The following CUX1 variants were observed in gnomAD, a reference collection of about 807,000 sequenced individuals.
CUX1 encodes protein CASP.
CUX1 carries 31 observed loss-of-function variants against 158.8 expected under a neutral mutation model. That is an observed-to-expected ratio of 0.20 (90% CI 0.15 to 0.26). CUX1 has a LOEUF of 0.26. Among genes scored for constraint, CUX1 ranks in the 10% least tolerant of loss-of-function variants. The pLI, the probability that CUX1 is intolerant of heterozygous loss-of-function variation, is 1.00. For missense variants in CUX1, 1,589 were observed against 2,014.6 expected (o/e 0.79, Z 4.04); for synonymous variants, 879 against 862.1 (o/e 1.02, Z -0.34).
At chr7:101,955,717 T>G (rs923946483) in intron 2 of CUX1, among the ~76,000 whole-genome samples, 1 of 152,098 alleles carries the variant, frequency 6.6e-6, no homozygotes, top group Admixed American at 6.6e-5. Flanking sequence ...ACACTGACCC[T>G]CTCCACTAAC....
intron 2 of CUX1, among the ~76,000 whole-genome samples, chr7:101,945,750 C>T (rs567288791): frequency 3.2e-4 from 49 of 152,256 alleles, no homozygotes; most frequent in African/African-American, 1.1e-3. Flanking sequence ...GGTTCTAGTC[C>T]GCTAGGTTCA....
intron 8 of CUX1, among the ~76,000 whole-genome samples, chr7:102,156,220 CT>C (rs1554505259): frequency 6.6e-6 from 1 of 152,146 alleles, no homozygotes; most frequent in East Asian, 1.9e-4. Context: ...GTACCTTAGC[CT>C]GTTTTCTGTT....
chr7:102,249,862 T>C lies in CUX1; in HGVS notation c.*820T>C, dbSNP rs1209274973. Reference sequence around the variant, plus strand: ...AAATAAAACACATTTACTCCACATATTTTTTAACAAAAAGAAAACGTCACA... The same window carrying C: ...AAATAAAACACATTTACTCCACATACTTTTTAACAAAAAGAAAACGTCACA... On this transcript the variant is annotated 3_prime_UTR_variant, in exon 24 of 24. Transcript: ENST00000292535. 1 of 985,728 alleles carries C rather than the reference T, an allele frequency of 1.0e-6. No individual in the cohort carries two copies. The highest frequency in any genetic ancestry group is 1.2e-6 in the Non-Finnish European group (1 of 829,878). The allele number at this position is 985,728 out of a possible 1,614,324, so 61.1% of individuals were successfully genotyped here. A position where few individuals can be genotyped will look rare whatever the true frequency, so the allele number is the denominator to read the frequency against.
intron 19 of CUX1, 51 bp downstream of exon 19, chr7:102,204,607 C>CACCA: frequency 6.3e-7 from 1 of 1,592,618 alleles, no homozygotes. Flanking sequence ...TAGCAAGGAC[C>CACCA]TGGTCACAGC....
At chr7:101,908,631 C>A (rs1264866369) in intron 1 of CUX1, among the ~76,000 whole-genome samples, 1 of 152,062 alleles carries the variant, frequency 6.6e-6, no homozygotes, top group Non-Finnish European at 1.5e-5. Context: ...TTTTCTAAGC[C>A]CCCCACCTCT....
intron 22 of CUX1, chr7:102,282,943 C>T (rs547074500): frequency 2.8e-6 from 3 of 1,056,812 alleles, no homozygotes; most frequent in East Asian, 5.1e-5. Context: ...ACCCCCTAGC[C>T]CCACCCCATC....
chr7:101,900,524 T>C (rs1802037139), intron 1 of CUX1, among the ~76,000 whole-genome samples: 1 of 152,260 alleles, frequency 6.6e-6, no homozygotes, highest in Non-Finnish European at 1.5e-5. Flanking sequence ...ATGGTATTTC[T>C]TGGCCTGGCA....
intron 21 of CUX1, among the ~76,000 whole-genome samples, chr7:102,229,651 C>T (rs1162289280): frequency 3.1e-5 from 4 of 129,900 alleles, no homozygotes; most frequent in African/African-American, 1.2e-4. Context: ...AGAGTCTCAC[C>T]GTCTCACTCA....
At position 102,257,861 on chromosome 7, in the gene CUX1, T is replaced by C. The variant is rs1302466613; in HGVS notation, c.*8819T>C. ...TTCTCCAATCCTCACAGAGACCCAA[T>C]TGACCAAAAAAGAAAAAAGGAAAAA... is the stretch of plus-strand genomic sequence containing the variant. On this transcript the variant is annotated 3_prime_UTR_variant, in exon 24 of 24. Transcript: ENST00000292535. The C allele has an allele frequency of 1.7e-5, 17 of 983,846 alleles. No individual in the cohort carries two copies. The Admixed American group carries it at 6.8e-4, about 39-fold the overall frequency. The allele number at this position is 983,846 out of a possible 1,614,324, so 60.9% of individuals were successfully genotyped here.
chr7:102,065,343 G>A (rs560221138), intron 3 of CUX1, among the ~76,000 whole-genome samples: 4 of 152,250 alleles, frequency 2.6e-5, no homozygotes, highest in Non-Finnish European at 4.4e-5. Context: ...GTTTCCCAAA[G>A]TGCTGGGATT....
At chr7:102,062,262 G>T (rs945167009) in intron 3 of CUX1, among the ~76,000 whole-genome samples, 25 of 152,190 alleles carry the variant, frequency 1.6e-4, no homozygotes, top group Non-Finnish European at 2.5e-4. Flanking sequence ...GGGCAGCGAT[G>T]TGTGACGCCT....
rs1414869257 is a variant in CUX1 at position 102,254,103 on chromosome 7, A to G, written c.*5061A>G. On this transcript the variant is annotated 3_prime_UTR_variant, in exon 24 of 24. Transcript: ENST00000292535. ...CTCCTTTTGTGAGCGCAACACGGACAAACAGCTGTGCTCTGCAAGGCACAC... is the reference window on the plus strand; with the variant it reads ...CTCCTTTTGTGAGCGCAACACGGACGAACAGCTGTGCTCTGCAAGGCACAC... The G allele has an allele frequency of 2.2e-5, 22 of 985,310 alleles. No individual in the cohort carries two copies. Among genetic ancestry groups the G allele is most frequent in the Non-Finnish European group, 2.4e-5 (20 of 829,946 alleles). The allele number at this position is 985,310 out of a possible 1,614,324, so 61.0% of individuals were successfully genotyped here. A position where few individuals can be genotyped will look rare whatever the true frequency, so the allele number is the denominator to read the frequency against.
chr7:101,822,286 C>G (rs767164027), intron 1 of CUX1: 2 of 152,190 alleles, frequency 1.3e-5, no homozygotes, highest in Non-Finnish European at 2.9e-5. Flanking sequence ...AACCAAGTTT[C>G]GATGGTGTGT....
intron 8 of CUX1, among the ~76,000 whole-genome samples, chr7:102,155,550 A>C (rs11772514): frequency 0.3 from 44,241 of 148,234 alleles, 6,706 homozygotes; most frequent in Middle Eastern, 0.36. Context: ...TCTCAAAAAG[A>C]AAAAAAAAAA....
At chr7:102,269,367 C>T (rs782366061) in intron 14 of CUX1, among the ~76,000 whole-genome samples, 1 of 151,996 alleles carries the variant, frequency 6.6e-6, no homozygotes, top group African/African-American at 2.4e-5. Flanking sequence ...ATGTCCTTCT[C>T]ACATTGCAAA....
chr7:102,163,280 GT>G (rs201464715), intron 9 of CUX1, among the ~76,000 whole-genome samples: 8,147 of 151,866 alleles, frequency 0.054, 270 homozygotes, highest in Non-Finnish European at 0.067. Context: ...GAGCCCATGA[GT>G]TTGAGACCAG....
intron 2 of CUX1, among the ~76,000 whole-genome samples, chr7:102,009,855 G>A (rs539128257): frequency 2.0e-5 from 3 of 152,332 alleles, no homozygotes; most frequent in African/African-American, 7.2e-5. Context: ...GCTGCCTAAC[G>A]TTCTTGCCAT....
At chr7:101,919,160 C>T (rs1328782478) in intron 2 of CUX1, among the ~76,000 whole-genome samples, 1 of 152,064 alleles carries the variant, frequency 6.6e-6, no homozygotes, top group Non-Finnish European at 1.5e-5. Context: ...GCTGGGTGTG[C>T]AGGAGGCGGA....
chr7:102,197,028 A>T lies in CUX1; in HGVS notation c.1617A>T (p.Ser539=). 6.2e-7 allele frequency: 1 copy of T among 1,614,252 alleles called. No homozygotes were observed. Among genetic ancestry groups the T allele is most frequent in the South Asian group, 1.1e-5 (1 of 91,088 alleles). ...GCATGGCCCCATCCCCCAGCCAGTC[A>T]GAAAGTGCTGGGAGCGTCTCCGAGG... is the stretch of plus-strand genomic sequence containing the variant. ...VNGMAPSPSQ[S]ESAGSVSEGE... Residue 539 remains serine, a synonymous_variant, in exon 15 of 24, where the codon TCA becomes TCT. Coordinates refer to ENST00000292535, the MANE Select transcript of CUX1 (RefSeq NM_181552.4).
Sources: gnomAD v4.1 joint callset for allele counts (sites outside exome capture counted in the v4.1 genomes callset) on GRCh38, gnomAD v4.1.1 for gene constraint, MANE v1.5 for transcripts, NCBI Gene and HGNC (gene_info 2026-07-23, HGNC 2026-07-21) for gene names.